KIF26B: variants seen among roughly 807,000 people sequenced by gnomAD.
KIF26B encodes the protein kinesin family member 26B, also known as kinesin-like protein KIF26B.
A neutral mutation model predicts 151.2 loss-of-function variants in KIF26B; 63 were observed. The observed-to-expected ratio is 0.42, with a 90% confidence interval of 0.34 to 0.51. KIF26B has a LOEUF of 0.51. Among genes scored for constraint, KIF26B ranks in the 20% least tolerant of loss-of-function variants. KIF26B has a pLI of 0.07. For synonymous variants in KIF26B, 1,357 were observed against 1,262.1 expected (o/e 1.08, Z -1.59); for missense variants, 2,813 against 2,913.6 (o/e 0.97, Z 0.79).
At chr1:245,674,290 C>CA (rs886331443) in intron 10 of KIF26B, among the ~76,000 whole-genome samples, 79 of 150,524 alleles carry the variant, frequency 5.2e-4, no homozygotes, top group African/African-American at 1.8e-3. Flanking sequence ...TGATTCAGGC[C>CA]AAAAAAAAAT....
At chr1:245,332,634 C>CT (rs1201891714) in intron 2 of KIF26B, among the ~76,000 whole-genome samples, 1 of 151,662 alleles carries the variant, frequency 6.6e-6, no homozygotes, top group Non-Finnish European at 1.5e-5. Context: ...GAGTCGTCTC[C>CT]TGGAAGCCAC....
chr1:245,476,032 T>A (rs898455475), intron 4 of KIF26B, among the ~76,000 whole-genome samples: 2 of 151,842 alleles, frequency 1.3e-5, no homozygotes, highest in African/African-American at 4.8e-5. Flanking sequence ...GATGCATGAA[T>A]AAACAATGTG....
rs1390832094 is a variant in KIF26B, at chr1:245,662,475, T to C, written c.2258+16195T>C. On this transcript the variant is annotated intron_variant, in intron 10 of 14. Transcript: ENST00000407071. ...ATATATACACCCCATGATACATATA[T>C]ACACACACCCAATATATATATATGT... is the stretch of plus-strand genomic sequence containing the variant. Among the ~76,000 whole-genome samples the C allele has an allele frequency of 2.8e-5, 4 of 142,504 alleles. No homozygotes were observed. In the Admixed American group the frequency reaches 2.8e-4, roughly 10 times the overall value. 93.5% of individuals were successfully genotyped at this position (142,504 alleles called of 152,430 possible).
intron 4 of KIF26B, among the ~76,000 whole-genome samples, chr1:245,429,813 C>T (rs1658735985): frequency 6.6e-6 from 1 of 152,142 alleles, no homozygotes. Context: ...TGGGGTTTTG[C>T]CATGTTGGCC....
At chr1:245,535,503 A>G (rs1438035548) in intron 4 of KIF26B, among the ~76,000 whole-genome samples, 1 of 152,156 alleles carries the variant, frequency 6.6e-6, no homozygotes, top group Non-Finnish European at 1.5e-5. Context: ...CAGAATCTCT[A>G]TACTGGAAAT....
At chr1:245,622,914 G>C (rs776342582) in intron 9 of KIF26B, among the ~76,000 whole-genome samples, 29 of 152,068 alleles carry the variant, frequency 1.9e-4, no homozygotes, top group Non-Finnish European at 3.4e-4. Flanking sequence ...GGCCTTCTCC[G>C]GCTGCTTCGT....
At chr1:245,370,398 A>T (rs563748773) in intron 3 of KIF26B, among the ~76,000 whole-genome samples, 1 of 151,840 alleles carries the variant, frequency 6.6e-6, no homozygotes, top group East Asian at 2.0e-4. Flanking sequence ...AACCGCAATG[A>T]CTTTTGCACC....
At chr1:245,612,144 C>T (rs965421198) in intron 9 of KIF26B, among the ~76,000 whole-genome samples, 168 bp downstream of exon 9, 2 of 150,866 alleles carry the variant, frequency 1.3e-5, no homozygotes, top group Non-Finnish European at 2.9e-5. Context: ...GGGTCTTGCT[C>T]TGTCACCCAG....
chr1:245,527,251 C>T (rs114761560), intron 4 of KIF26B, among the ~76,000 whole-genome samples: 3,866 of 152,258 alleles, frequency 0.025, 65 homozygotes, highest in Middle Eastern at 0.048. Context: ...GTTGGATAGT[C>T]CTTAAACTAG....
intron 5 of KIF26B, among the ~76,000 whole-genome samples, chr1:245,559,047 G>C (rs1313689476): frequency 6.6e-6 from 1 of 152,178 alleles, no homozygotes; most frequent in Non-Finnish European, 1.5e-5. Context: ...CGGACACGTG[G>C]CATTTAAATT....
chr1:245,486,987 C>T (rs1031330834), intron 4 of KIF26B, among the ~76,000 whole-genome samples: 1 of 152,176 alleles, frequency 6.6e-6, no homozygotes, highest in African/African-American at 2.4e-5. Flanking sequence ...GTCCCAAAGT[C>T]GGACGTCCTG....
chr1:245,589,677 G>A (rs1026085130), intron 5 of KIF26B, among the ~76,000 whole-genome samples: 3 of 152,220 alleles, frequency 2.0e-5, no homozygotes, highest in Non-Finnish European at 4.4e-5. Flanking sequence ...AGATAACTAG[G>A]TTGTTGATTA....
At position 245,367,363 on chromosome 1, in the gene KIF26B, AC is replaced by A; in HGVS notation, c.997del (p.Gln333ArgfsTer5). The A allele has an allele frequency of 1.3e-6, 2 of 1,584,842 alleles. No homozygotes were observed. Among genetic ancestry groups the A allele is most frequent in the South Asian group, 1.1e-5 (1 of 87,054 alleles). On this transcript the variant is annotated frameshift_variant, in exon 3 of 15. Coordinates refer to ENST00000407071, the MANE Select transcript of KIF26B (RefSeq NM_018012.4). LOFTEE classifies it high-confidence loss of function. This position sits in a 1 kb window ranked among gnomAD's most constrained non-coding sequence, Gnocchi z 4.2. ...ACCAACGGGGTCACCCTGTACCCAT[AC>A]CAGGTAAGTAGCCTGTGTGAGCCAG... ...SRTNGVTLYPYQISQLMTESS... is the reference protein window; with the variant it reads ...SRTNGVTLYPXQISQLMTESS...
rs34722448 is a variant in KIF26B, at chr1:245,636,860, TTGTGTGTGTG to T, written c.2099-9247_2099-9238del. 4.0e-5 allele frequency among the ~76,000 whole-genome samples: 6 copies of T among 149,296 alleles called. No homozygotes were observed. The East Asian group carries it at 9.9e-4, about 25-fold the overall frequency. On this transcript the variant is annotated intron_variant, in intron 9 of 14. Coordinates refer to ENST00000407071, the MANE Select transcript of KIF26B (RefSeq NM_018012.4). The stretch of plus-strand genomic sequence containing the variant: ...ATTTTTATGGCTGAATAATATTCCA[TTGTGTGTGTG>T]TGTGTGTGTGTGTATCTATCTCACA...
chr1:245,550,402 A>C (rs1342183621), intron 5 of KIF26B, among the ~76,000 whole-genome samples: 3 of 152,220 alleles, frequency 2.0e-5, no homozygotes, highest in African/African-American at 7.2e-5. Context: ...CATGCCTTAC[A>C]AAAGAGTGCT....
chr1:245,686,946 C>T lies in KIF26B; in HGVS notation c.3963C>T (p.Ser1321=), dbSNP rs757573328. The T allele has an allele frequency of 1.2e-6, 2 of 1,613,442 alleles. No homozygotes were observed. Among genetic ancestry groups the T allele is most frequent in the Non-Finnish European group, 1.7e-6 (2 of 1,179,794 alleles). The change falls in exon 12 of 15, where the codon AGC becomes AGT. Residue 1321 remains serine (S), a synonymous_variant. Transcript: ENST00000407071. The surrounding 1 kb of genome is among the most constrained non-coding windows in gnomAD (Gnocchi z 5.6). ...CTGTGGCCTCGGAGTTTGTCAGCAGCCTCCAGAACACCGCTGTGGTGTGCA... is the reference window on the plus strand; with the variant it reads ...CTGTGGCCTCGGAGTTTGTCAGCAGTCTCCAGAACACCGCTGTGGTGTGCA... ...AEPVASEFVS[S]LQNTAVVCRE...
chr1:245,282,164 A>G (rs1288654208), intron 2 of KIF26B, among the ~76,000 whole-genome samples: 1 of 152,042 alleles, frequency 6.6e-6, no homozygotes, highest in Admixed American at 6.6e-5. Context: ...AAATGGCCAT[A>G]CTGCCCAAGG....
At chr1:245,554,615 C>A (rs1253854161) in intron 5 of KIF26B, among the ~76,000 whole-genome samples, 5 of 132,250 alleles carry the variant, frequency 3.8e-5, no homozygotes, top group Admixed American at 3.4e-4. Flanking sequence ...TCCGGCTTAC[C>A]ATGGCAGATA....
intron 2 of KIF26B, among the ~76,000 whole-genome samples, chr1:245,174,334 C>A (rs1668766110): frequency 6.6e-6 from 1 of 152,066 alleles, no homozygotes; most frequent in Non-Finnish European, 1.5e-5. Flanking sequence ...TCTTTACACC[C>A]CTTTAAGGAG....
Sources: gnomAD v4.1 joint callset for allele counts (sites outside exome capture counted in the v4.1 genomes callset) on GRCh38, gnomAD v4.1.1 for gene constraint, Gnocchi (gnomAD v3.1) non-coding constraint, MANE v1.5 for transcripts, NCBI Gene and HGNC (gene_info 2026-07-23, HGNC 2026-07-21) for gene names.